CFAP58: variants seen among roughly 807,000 people sequenced by gnomAD.
CFAP58 encodes cilia and flagella associated protein 58.
A neutral mutation model predicts 119.5 loss-of-function variants in CFAP58; 88 were observed. The ratio of observed to expected loss-of-function variants is 0.74; its 90% CI spans 0.62 to 0.88. The LOEUF (loss-of-function observed/expected upper bound fraction) is 0.88. Ranked by LOEUF, CFAP58 falls within the 40% of genes least tolerant of loss-of-function variation. The probability of loss-of-function intolerance (pLI) is 0.00; values close to 1 mark genes in which losing one functional copy is unlikely to be tolerated. For missense variants in CFAP58, 990 were observed against 1,021.2 expected (o/e 0.97, Z 0.42); for synonymous variants, 365 against 366.3 (o/e 1.00, Z 0.04).
intron 11 of CFAP58, among the ~76,000 whole-genome samples, chr10:104,394,856 T>C (rs1373888997): frequency 6.6e-6 from 1 of 152,260 alleles, no homozygotes; most frequent in Non-Finnish European, 1.5e-5. Flanking sequence ...TGTTCCACTG[T>C]GGAGCTTGTA....
At chr10:104,383,412 A>C (rs1225096827) in intron 9 of CFAP58, among the ~76,000 whole-genome samples, 2 of 152,212 alleles carry the variant, frequency 1.3e-5, no homozygotes, top group African/African-American at 4.8e-5. Context: ...GTATTTGTTA[A>C]ACAAATGGAT....
At chr10:104,412,943 T>C (rs1174399512) in intron 15 of CFAP58, among the ~76,000 whole-genome samples, 2 of 152,246 alleles carry the variant, frequency 1.3e-5, no homozygotes, top group African/African-American at 4.8e-5. Flanking sequence ...GGTGTCTTGG[T>C]ACACGTTCCC....
intron 15 of CFAP58, among the ~76,000 whole-genome samples, chr10:104,416,431 C>T (rs1452043215): frequency 2.0e-5 from 3 of 152,164 alleles, no homozygotes; most frequent in African/African-American, 2.4e-5. Context: ...CTGAGCCCTG[C>T]CCTTTCAAGG....
intron 6 of CFAP58, among the ~76,000 whole-genome samples, chr10:104,370,380 G>A (rs1481794335): frequency 6.6e-6 from 1 of 152,172 alleles, no homozygotes; most frequent in African/African-American, 2.4e-5. Flanking sequence ...TGGCTGGGGA[G>A]GCCTCACAAT....
rs1249312216 is a variant in CFAP58, at chr10:104,427,905, G to A, written c.2257-19793G>A. On this transcript the variant is annotated intron_variant, in intron 15 of 17. Transcript: ENST00000369704. ...ATGGAAATTTTGGCGTGACCTTATC[G>A]TCTTTGGCTTTTTCCTGAAGTGGGG... Among the ~76,000 whole-genome samples, 8 of 152,184 alleles carry A rather than the reference G, an allele frequency of 5.3e-5. No individual in the cohort carries two copies. The East Asian group carries it at 5.8e-4, about 11-fold the overall frequency.
chr10:104,419,346 C>T (rs1564898958), intron 15 of CFAP58, among the ~76,000 whole-genome samples: 2 of 152,118 alleles, frequency 1.3e-5, no homozygotes, highest in African/African-American at 4.8e-5. Context: ...TCCTGTAACA[C>T]TCCAGCAACA....
chr10:104,446,154 T>G (rs1228263617), intron 15 of CFAP58, among the ~76,000 whole-genome samples: 3 of 152,184 alleles, frequency 2.0e-5, no homozygotes, highest in African/African-American at 4.8e-5. Context: ...CTCTAGAAAA[T>G]AAACTCACCT....
chr10:104,451,551 T>C (rs562911553), intron 17 of CFAP58, among the ~76,000 whole-genome samples: 1 of 152,360 alleles, frequency 6.6e-6, no homozygotes, highest in South Asian at 2.1e-4. Flanking sequence ...GTGATTTTCA[T>C]GCACAGTGAA....
chr10:104,439,643 T>A (rs916180341), intron 15 of CFAP58, among the ~76,000 whole-genome samples: 13 of 152,120 alleles, frequency 8.5e-5, no homozygotes, highest in Non-Finnish European at 4.4e-5. Context: ...AGGTCAGGGC[T>A]GCAATGAGTT....
the CFAP58 span, among the ~76,000 whole-genome samples, chr10:104,347,537 GA>G: frequency 6.6e-6 from 1 of 151,978 alleles, no homozygotes; most frequent in Admixed American, 6.6e-5. Context: ...CAGTCTGGAG[GA>G]AAAATATTAG....
chr10:104,388,149 A>T (rs1402818356), intron 9 of CFAP58, among the ~76,000 whole-genome samples: 3 of 152,188 alleles, frequency 2.0e-5, no homozygotes, highest in African/African-American at 7.2e-5. Flanking sequence ...ACAAATTATA[A>T]GCTTTTTCTA....
chr10:104,341,724 C>A, the CFAP58 span, among the ~76,000 whole-genome samples: 1 of 151,376 alleles, frequency 6.6e-6, no homozygotes, highest in Non-Finnish European at 1.5e-5. Context: ...AGCAGCACAC[C>A]AAAGAATATT....
rs1254190538 is a variant in CFAP58, at chr10:104,449,535, G to A, written c.2377-536G>A. On this transcript the variant is annotated intron_variant, in intron 16 of 17. Coordinates refer to ENST00000369704, the MANE Select transcript of CFAP58 (RefSeq NM_001008723.2). ...AGATAGTCAGGCTTTGAAGAGTCCCGAAGAACACAGTAAAGAGGGGATAGG... is the reference window on the plus strand; with the variant it reads ...AGATAGTCAGGCTTTGAAGAGTCCCAAAGAACACAGTAAAGAGGGGATAGG... Among the ~76,000 whole-genome samples the A allele has an allele frequency of 2.0e-5, 3 of 152,182 alleles. No individual in the cohort carries two copies. In the East Asian group the frequency reaches 5.8e-4, roughly 29 times the overall value.
intron 15 of CFAP58, among the ~76,000 whole-genome samples, chr10:104,416,035 C>T (rs1310991860): frequency 6.6e-6 from 1 of 152,066 alleles, no homozygotes; most frequent in South Asian, 2.1e-4. Flanking sequence ...TGAAATGATG[C>T]GTGCTGTACC....
chr10:104,441,481 G>A (rs1043944722), intron 15 of CFAP58, among the ~76,000 whole-genome samples: 1 of 152,198 alleles, frequency 6.6e-6, no homozygotes, highest in Non-Finnish European at 1.5e-5. Context: ...TGCTAGGAAA[G>A]CAAGCAAACA....
intron 4 of CFAP58, among the ~76,000 whole-genome samples, chr10:104,365,551 G>A (rs1052965922): frequency 6.6e-6 from 1 of 152,096 alleles, no homozygotes; most frequent in Admixed American, 6.5e-5. Context: ...GCTTCCATAT[G>A]TATTTGATTT....
At chr10:104,388,702 A>G (rs557562021) in intron 9 of CFAP58, among the ~76,000 whole-genome samples, 2 of 152,322 alleles carry the variant, frequency 1.3e-5, no homozygotes, top group Admixed American at 6.5e-5. Flanking sequence ...TCCAAATGCA[A>G]TGACCTACTT....
intron 2 of CFAP58, among the ~76,000 whole-genome samples, chr10:104,359,047 A>G (rs991277115): frequency 1.3e-5 from 2 of 152,162 alleles, no homozygotes; most frequent in African/African-American, 4.8e-5. Context: ...AATTTTCATG[A>G]CCTTTCTTCC....
Position 104,368,551 on chromosome 10 carries a change from G to A in CFAP58, c.921G>A (p.Leu307=), listed in dbSNP as rs748099224. The A allele has an allele frequency of 6.2e-7, 1 of 1,613,866 alleles. No individual in the cohort carries two copies. Among genetic ancestry groups the A allele is most frequent in the South Asian group, 1.1e-5 (1 of 91,070 alleles). Residue 307 remains leucine, a synonymous_variant, in exon 6 of 18, where the codon TTG becomes TTA. Transcript: ENST00000369704. ...CCCAGGAAAACCAACAGAAGGCGTTGGAGCTCAAAGTAAACACCAAGTTAC... is the reference window on the plus strand; with the variant it reads ...CCCAGGAAAACCAACAGAAGGCGTTAGAGCTCAAAGTAAACACCAAGTTAC... The part of the protein sequence containing the change: ...QLSQENQQKA[L]ELKAKEEEVH...
Sources: gnomAD v4.1 joint callset for allele counts (sites outside exome capture counted in the v4.1 genomes callset) on GRCh38, gnomAD v4.1.1 for gene constraint, MANE v1.5 for transcripts, NCBI Gene and HGNC (gene_info 2026-07-23, HGNC 2026-07-21) for gene names.